CASR: variants seen among roughly 807,000 people sequenced by gnomAD.
The protein encoded by CASR is extracellular calcium-sensing receptor.
CASR carries 23 observed loss-of-function variants against 69.1 expected under a neutral mutation model. The observed-to-expected ratio is 0.33, with a 90% CI of 0.24 to 0.47. CASR has a LOEUF of 0.47. CASR is among the 20% of genes least tolerant of loss of function. CASR has a pLI of 1.00. For synonymous variants in CASR, 541 were observed against 544.7 expected, an observed-to-expected ratio of 0.99 and a Z score of 0.10; for missense variants, 924 against 1,356.1, an observed-to-expected ratio of 0.68 and a Z score of 5.00.
In CASR at chr3:122,283,760, G is replaced by A. The variant is rs779467828; in HGVS notation, c.1806G>A (p.Glu602=). Residue 602 remains glutamate, a synonymous_variant, in exon 7 of 7, where the codon GAG becomes GAA. Transcript: ENST00000639785. Reference sequence around the variant, plus strand: ...ACCACACCTCCTGCATTGCCAAGGAGATCGAGTTTCTGTCGTGGACGGAGC... The same window carrying A: ...ACCACACCTCCTGCATTGCCAAGGAAATCGAGTTTCTGTCGTGGACGGAGC... The part of the protein sequence containing the change: ...NENHTSCIAK[E]IEFLSWTEPF... The A allele has an allele frequency of 7.4e-6, 12 of 1,614,066 alleles. No individual in the cohort carries two copies. Among genetic ancestry groups the A allele is most frequent in the African/African-American group, 1.3e-5 (1 of 74,924 alleles).
At chr3:122,240,658 T>C (rs1279591844) in intron 1 of CASR, among the ~76,000 whole-genome samples, 1 of 152,206 alleles carries the variant, frequency 6.6e-6, no homozygotes, top group Non-Finnish European at 1.5e-5. Context: ...ACATCAGACT[T>C]AATCTGCAGT....
chr3:122,237,784 C>G (rs2074342510), intron 1 of CASR, among the ~76,000 whole-genome samples: 1 of 152,016 alleles, frequency 6.6e-6, no homozygotes, highest in South Asian at 2.1e-4. Flanking sequence ...CTGGCAGTAC[C>G]AAGGGTGGAC....
rs2074566106 is a variant in CASR, at chr3:122,257,333, C to T, written c.438C>T (p.Gly146=). The T allele has an allele frequency of 6.2e-7, 1 of 1,614,178 alleles. No homozygotes were observed. ...PSTIAVVGAT[G]SGVSTAVANL... is the part of the protein sequence containing the mutation. The stretch of plus-strand genomic sequence containing the variant: ...CGATTGCTGTGGTGGGAGCAACTGG[C>T]TCAGGCGTCTCCACGGCAGTGGCAA... The change falls in exon 3 of 7, where the codon GGC becomes GGT. Residue 146 remains glycine (G), a synonymous_variant. Coordinates refer to ENST00000639785, the MANE Select transcript of CASR (RefSeq NM_000388.4).
chr3:122,227,387 C>T (rs2074234234), intron 1 of CASR, among the ~76,000 whole-genome samples: 1 of 152,182 alleles, frequency 6.6e-6, no homozygotes, highest in Admixed American at 6.5e-5. Context: ...AGCTAAGGCC[C>T]GTGAGAAGTC....
At chr3:122,265,833 C>T (rs759910755) in intron 4 of CASR, among the ~76,000 whole-genome samples, 19 of 152,152 alleles carry the variant, frequency 1.2e-4, no homozygotes, top group African/African-American at 2.4e-4. Flanking sequence ...AGAAAACAGG[C>T]GTGCAGCCAT....
At chr3:122,232,417 C>T (rs941178885) in intron 1 of CASR, among the ~76,000 whole-genome samples, 1 of 152,148 alleles carries the variant, frequency 6.6e-6, no homozygotes, top group African/African-American at 2.4e-5. Flanking sequence ...TGAAGAATGC[C>T]TCATCCCTGA....
chr3:122,259,755 G>A (rs1384027399), intron 3 of CASR, among the ~76,000 whole-genome samples: 6 of 149,812 alleles, frequency 4.0e-5, no homozygotes, highest in Non-Finnish European at 7.4e-5. Context: ...TCAGCCTCCC[G>A]AGTAGCTGGG....
chr3:122,200,594 G>T lies in CASR; in HGVS notation c.-243+16782G>T, dbSNP rs936226652. 2.6e-5 allele frequency among the ~76,000 whole-genome samples: 4 copies of T among 152,052 alleles called. 1 individual carries two copies. Among genetic ancestry groups the T allele is most frequent in the Admixed American group, 2.6e-4 (4 of 15,260 alleles). On this transcript the variant is annotated intron_variant, in intron 1 of 6. Transcript: ENST00000639785. ...GTTTATTCATTTTTACTGCTGTTTA[G>T]AATTTCAGTGTATAAGTGTGCCAAA...
At position 122,287,801 on chromosome 3, in the gene CASR, A is replaced by G. The variant is rs2074983210; in HGVS notation, c.*2610A>G. Reference sequence around the variant, plus strand: ...CCTGCTAGCTCTTGCAGCTACCTCCATGCTCATCCCTGAGGCCCAGAAATC... The same window carrying G: ...CCTGCTAGCTCTTGCAGCTACCTCCGTGCTCATCCCTGAGGCCCAGAAATC... On this transcript the variant is annotated 3_prime_UTR_variant, in exon 7 of 7. Coordinates refer to ENST00000639785, the MANE Select transcript of CASR (RefSeq NM_000388.4). 2 of 152,272 alleles carry G rather than the reference A, an allele frequency of 1.3e-5. No individual in the cohort carries two copies. Among genetic ancestry groups the G allele is most frequent in the Admixed American group, 6.5e-5 (1 of 15,280 alleles). The allele number at this position is 152,272 out of a possible 1,614,324, so 9.4% of individuals were successfully genotyped here. A position where few individuals can be genotyped will look rare whatever the true frequency, so the allele number is the denominator to read the frequency against.
At chr3:122,245,500 G>A (rs2074418761) in intron 1 of CASR, 1 of 152,182 alleles carries the variant, frequency 6.6e-6, no homozygotes, top group South Asian at 2.1e-4. Flanking sequence ...TTAAAAGGAT[G>A]GGGTGAGGAG....
chr3:122,250,964 A>T (rs1354192878), intron 1 of CASR, among the ~76,000 whole-genome samples: 4 of 152,172 alleles, frequency 2.6e-5, no homozygotes, highest in Non-Finnish European at 4.4e-5. Context: ...TTCCCAGCAC[A>T]TGTACTTATT....
chr3:122,190,788 C>T (rs2073832430), intron 1 of CASR, among the ~76,000 whole-genome samples: 1 of 152,194 alleles, frequency 6.6e-6, no homozygotes, highest in African/African-American at 2.4e-5. Flanking sequence ...CAGCAATTGA[C>T]AAAGCACCCT....
chr3:122,215,324 C>CA (rs1190663144), intron 1 of CASR, among the ~76,000 whole-genome samples: 1 of 152,196 alleles, frequency 6.6e-6, no homozygotes, highest in Non-Finnish European at 1.5e-5. Flanking sequence ...ATGATGCTTC[C>CA]ACGTCGCTCA....
At chr3:122,227,450 C>A (rs112606730) in intron 1 of CASR, among the ~76,000 whole-genome samples, 24,909 of 152,200 alleles carry the variant, frequency 0.16, 2,111 homozygotes, top group South Asian at 0.18. Flanking sequence ...CCGGGGCTTG[C>A]GGGCCAGCCA....
Position 122,261,753 on chromosome 3 carries a change from A to G in CASR, c.718A>G (p.Ser240Gly), listed in dbSNP as rs200878437. Residue 240 changes from serine (S) to glycine (G), a missense_variant, in exon 4 of 7, where the codon AGT (serine) becomes GGT (glycine). This residue lies in a region of CASR where 141 missense variants were observed against 283.0 expected (regional missense o/e 0.50). Coordinates refer to ENST00000639785, the MANE Select transcript of CASR (RefSeq NM_000388.4). ...AEERDICIDF[S>G]ELISQYSDEE... ...GGAAAGGGATATCTGCATCGACTTC[A>G]GTGAACTCATCTCCCAGTACTCTGA... 3 of 1,614,252 alleles carry G rather than the reference A, an allele frequency of 1.9e-6. No individual in the cohort carries two copies. The highest frequency in any genetic ancestry group is 2.5e-6 in the Non-Finnish European group (3 of 1,180,036).
At chr3:122,204,665 T>G (rs2073988939) in intron 1 of CASR, among the ~76,000 whole-genome samples, 1 of 152,194 alleles carries the variant, frequency 6.6e-6, no homozygotes, top group Non-Finnish European at 1.5e-5. Flanking sequence ...TTCTCCATAG[T>G]GGCTGTACTA....
chr3:122,259,992 G>C (rs892138264), intron 3 of CASR, among the ~76,000 whole-genome samples: 12 of 152,184 alleles, frequency 7.9e-5, no homozygotes, highest in African/African-American at 2.2e-4. Flanking sequence ...GAGAACACAA[G>C]ATATTAAGCT....
chr3:122,214,533 G>A (rs1341840558), intron 1 of CASR, among the ~76,000 whole-genome samples: 12 of 152,210 alleles, frequency 7.9e-5, no homozygotes, highest in Non-Finnish European at 4.4e-5. Context: ...GATGGATACA[G>A]AAGCAGGCAG....
chr3:122,207,894 C>A (rs34866097), intron 1 of CASR, among the ~76,000 whole-genome samples: 303 of 152,008 alleles, frequency 2.0e-3, no homozygotes, highest in African/African-American at 7.1e-3. Context: ...CTGTTGTTTC[C>A]CTGTTGATTT....
Sources: allele counts gnomAD v4.1 joint callset (sites outside exome capture counted in the v4.1 genomes callset), GRCh38; gene constraint gnomAD v4.1.1; regional missense constraint gnomAD v4.1.1; transcripts MANE v1.5; gene names NCBI Gene and HGNC (gene_info 2026-07-23, HGNC 2026-07-21).